EPHA4: variants seen among roughly 807,000 people sequenced by gnomAD.
EPHA4 encodes EPH receptor A4.
EPHA4 carries 19 observed loss-of-function variants against 108.3 expected under a neutral mutation model. The ratio of observed to expected loss-of-function variants is 0.18; its 90% confidence interval spans 0.12 to 0.26. The LOEUF is 0.26. Among genes scored for constraint, EPHA4 ranks in the 10% least tolerant of loss-of-function variants. EPHA4 has a pLI of 1.00. For missense variants in EPHA4, 917 were observed against 1,254.0 expected (o/e 0.73, Z 4.06); for synonymous variants, 449 against 455.5 (o/e 0.99, Z 0.18).
At chr2:221,449,695 A>G (rs3770180) in intron 8 of EPHA4, among the ~76,000 whole-genome samples, 58,238 of 150,490 alleles carry the variant, frequency 0.39, 11,607 homozygotes, top group African/African-American at 0.51. Flanking sequence ...TATTCAATAT[A>G]ACAAACAAAA....
intron 5 of EPHA4, among the ~76,000 whole-genome samples, chr2:221,479,645 C>T (rs367668510): frequency 3.9e-5 from 6 of 152,176 alleles, no homozygotes; most frequent in African/African-American, 7.2e-5. Flanking sequence ...TACATTCACC[C>T]GAATTTTGGC....
At chr2:221,453,054 AG>A (rs1362463087) in intron 8 of EPHA4, among the ~76,000 whole-genome samples, 1 of 152,188 alleles carries the variant, frequency 6.6e-6, no homozygotes, top group Non-Finnish European at 1.5e-5. Context: ...TGCTGTATTT[AG>A]GGCCACTTAT....
chr2:221,506,699 G>A (rs574584721), intron 3 of EPHA4, among the ~76,000 whole-genome samples: 2 of 152,260 alleles, frequency 1.3e-5, no homozygotes, highest in South Asian at 4.1e-4. Flanking sequence ...TATCTGTTGA[G>A]CATAGTTAAA....
chr2:221,468,391 C>A (rs973911353), intron 5 of EPHA4, among the ~76,000 whole-genome samples: 5 of 152,186 alleles, frequency 3.3e-5, no homozygotes, highest in African/African-American at 1.2e-4. Context: ...AGCTGCTATG[C>A]ATCAAGGCTT....
intron 3 of EPHA4, among the ~76,000 whole-genome samples, chr2:221,519,929 C>T (rs1238792526): frequency 2.0e-5 from 3 of 151,938 alleles, no homozygotes; most frequent in African/African-American, 4.8e-5. Flanking sequence ...CCTTTCTCTC[C>T]CTCTGGACTG....
chr2:221,501,227 GC>G, intron 3 of EPHA4, 55 bp from the exon 4 acceptor site: 1 of 1,434,892 alleles, frequency 7.0e-7, no homozygotes, highest in Non-Finnish European at 9.3e-7. Context: ...ATAGACCAAA[GC>G]AAAAATGCAA....
chr2:221,483,419 T>C (rs1196386180), intron 4 of EPHA4, among the ~76,000 whole-genome samples: 1 of 151,976 alleles, frequency 6.6e-6, no homozygotes, highest in Non-Finnish European at 1.5e-5. Context: ...ACCGACAACA[T>C]ACTGGTTGGT....
chr2:221,460,929 C>G (rs994104587), intron 5 of EPHA4, among the ~76,000 whole-genome samples: 1 of 152,214 alleles, frequency 6.6e-6, no homozygotes, highest in Non-Finnish European at 1.5e-5. Flanking sequence ...AATGCAGTAT[C>G]TTTAACTTCA....
intron 5 of EPHA4, among the ~76,000 whole-genome samples, chr2:221,462,645 G>A (rs1239346175): frequency 6.6e-6 from 1 of 152,118 alleles, no homozygotes; most frequent in Non-Finnish European, 1.5e-5. Flanking sequence ...ACCTTTTGTG[G>A]GGTTGGTTTT....
chr2:221,572,814 C>T (rs1002742250), upstream of EPHA4: 2 of 152,794 alleles, frequency 1.3e-5, no homozygotes, highest in African/African-American at 4.8e-5. Flanking sequence ...CACCCTCTGC[C>T]ACCTTGCCCT....
chr2:221,428,674 G>A (rs890443908), intron 15 of EPHA4, among the ~76,000 whole-genome samples: 1 of 152,196 alleles, frequency 6.6e-6, no homozygotes, highest in African/African-American at 2.4e-5. Context: ...CACCCTCCTG[G>A]AGAACAGAAG....
Position 221,448,250 on chromosome 2 carries a change from G to T in EPHA4, c.1716-2069C>A, listed in dbSNP as rs139725070. Among the ~76,000 whole-genome samples the T allele has an allele frequency of 6.1e-3, 881 of 145,534 alleles. 10 individuals carry two copies. The highest frequency in any genetic ancestry group is 0.021 in the African/African-American group (833 of 39,110). On this transcript the variant is annotated intron_variant, in intron 8 of 17. Transcript: ENST00000281821. ...AGGACATGGAGCTGGGGTGGGGTGG[G>T]GGGTGGGGAGCAAGAGGATCACCAC...
chr2:221,511,840 C>T (rs188116025), intron 3 of EPHA4, among the ~76,000 whole-genome samples: 2 of 152,264 alleles, frequency 1.3e-5, no homozygotes, highest in African/African-American at 4.8e-5. Flanking sequence ...ATCCCTTATT[C>T]TTATTCTAAC....
intron 3 of EPHA4, among the ~76,000 whole-genome samples, chr2:221,542,250 G>A (rs56671585): frequency 0.02 from 3,060 of 152,258 alleles, 106 homozygotes; most frequent in African/African-American, 0.069. Flanking sequence ...AGAAGAAGGT[G>A]CAAAACTTAA....
At chr2:221,482,270 T>G (rs1438932757) in intron 5 of EPHA4, 82 bp downstream of exon 5, 3 of 1,285,330 alleles carry the variant, frequency 2.3e-6, no homozygotes, top group Non-Finnish European at 2.1e-6. Context: ...ATTTCAATTA[T>G]AGCAATTTAT....
intron 11 of EPHA4, among the ~76,000 whole-genome samples, chr2:221,438,085 G>T (rs1392647633): frequency 6.6e-6 from 1 of 151,884 alleles, no homozygotes; most frequent in Admixed American, 6.6e-5. Flanking sequence ...AAAAACCCCA[G>T]AACAGTCACA....
At position 221,571,546 on chromosome 2, in the gene EPHA4, C is replaced by G. The variant is rs1451092373; in HGVS notation, c.91+612G>C. 6.6e-6 allele frequency among the ~76,000 whole-genome samples: 1 copy of G among 152,224 alleles called. No homozygotes were observed. The highest frequency in any genetic ancestry group is 2.4e-5 in the African/African-American group (1 of 41,470). ...GCGAAGAGCTCGGGCCCCTCAGGCCCGCAATCGCACCCTCGGGGCGCTGGG... is the reference window on the plus strand; with the variant it reads ...GCGAAGAGCTCGGGCCCCTCAGGCCGGCAATCGCACCCTCGGGGCGCTGGG... On this transcript the variant is annotated intron_variant, in intron 1 of 17. Transcript: ENST00000281821. This position sits in a 1 kb window ranked among gnomAD's most constrained non-coding sequence, Gnocchi z 6.3.
chr2:221,564,457 C>T (rs1325793972), intron 2 of EPHA4, 63 bp from the exon 3 acceptor site: 2 of 1,499,160 alleles, frequency 1.3e-6, no homozygotes, highest in African/African-American at 2.8e-5. Flanking sequence ...TTTGTCAATC[C>T]CATTTTATTC....
chr2:221,573,567 T>C (rs1175286269), upstream of EPHA4: 2 of 152,116 alleles, frequency 1.3e-5, no homozygotes, highest in African/African-American at 4.8e-5. This position sits in a 1 kb window ranked among gnomAD's most constrained non-coding sequence, Gnocchi z 4.5. Flanking sequence ...AGGCCGCCCC[T>C]CCTCTGACTC....
Sources: gnomAD v4.1 joint callset for allele counts (sites outside exome capture counted in the v4.1 genomes callset) on GRCh38, gnomAD v4.1.1 for gene constraint, Gnocchi (gnomAD v3.1) non-coding constraint, MANE v1.5 for transcripts, NCBI Gene and HGNC (gene_info 2026-07-23, HGNC 2026-07-21) for gene names.